The following CNTN5 variants were observed in gnomAD, a reference collection of about 807,000 sequenced individuals.
CNTN5 encodes contactin-5.
A neutral mutation model predicts 129.1 loss-of-function variants in CNTN5; 77 were observed. The ratio of observed to expected loss-of-function variants is 0.60; its 90% CI spans 0.50 to 0.72. The LOEUF (loss-of-function observed/expected upper bound fraction) is 0.72. Ranked by LOEUF, CNTN5 falls within the 30% of genes least tolerant of loss-of-function variation. The pLI is 0.00. For missense variants in CNTN5, 1,478 were observed against 1,328.8 expected, an observed-to-expected ratio of 1.11 and a Z score of -1.75; for synonymous variants, 509 against 465.6, an observed-to-expected ratio of 1.09 and a Z score of -1.20.
intron 1 of CNTN5, among the ~76,000 whole-genome samples, chr11:99,202,411 A>G (rs1859255636): frequency 6.6e-6 from 1 of 152,212 alleles, no homozygotes; most frequent in African/African-American, 2.4e-5. Flanking sequence ...GAGTTCACAG[A>G]TAATGGCAAA....
intron 8 of CNTN5, among the ~76,000 whole-genome samples, chr11:99,971,266 C>T (rs61910573): frequency 3.5e-4 from 53 of 151,956 alleles, no homozygotes; most frequent in Non-Finnish European, 4.3e-4. Context: ...TTTACAAGAC[C>T]GGGCATGGTG....
chr11:99,070,102 T>C (rs959074178), intron 1 of CNTN5, among the ~76,000 whole-genome samples: 1 of 152,132 alleles, frequency 6.6e-6, no homozygotes. Context: ...GGTATGAAAA[T>C]GGTTCCGTCA....
chr11:100,043,784 C>T (rs1011200754), intron 9 of CNTN5, among the ~76,000 whole-genome samples: 3 of 152,096 alleles, frequency 2.0e-5, no homozygotes, highest in Admixed American at 1.3e-4. Flanking sequence ...GTCTTCTTGA[C>T]TATGTTCTCT....
intron 1 of CNTN5, among the ~76,000 whole-genome samples, chr11:99,117,887 T>C (rs1189991420): frequency 6.6e-6 from 1 of 152,176 alleles, no homozygotes; most frequent in African/African-American, 2.4e-5. Context: ...TCTCCAGAAC[T>C]GTGGGAAATA....
intron 3 of CNTN5, among the ~76,000 whole-genome samples, chr11:99,672,726 C>G (rs1953101316): frequency 6.6e-6 from 1 of 151,100 alleles, no homozygotes; most frequent in Admixed American, 6.7e-5. Flanking sequence ...AGCCCTTTGA[C>G]TTAATAACCT....
At chr11:99,891,488 A>AC (rs973009831) in intron 6 of CNTN5, among the ~76,000 whole-genome samples, 2 of 150,590 alleles carry the variant, frequency 1.3e-5, no homozygotes, top group Middle Eastern at 3.2e-3. Context: ...CTAGGCCCCC[A>AC]CCCCCCAACA....
At chr11:100,292,981 G>A (rs1195922015) in intron 18 of CNTN5, among the ~76,000 whole-genome samples, 1 of 151,878 alleles carries the variant, frequency 6.6e-6, no homozygotes, top group Admixed American at 6.6e-5. Flanking sequence ...GTCCATGATG[G>A]TGACTTAGAA....
chr11:99,314,659 C>G (rs998359405), intron 1 of CNTN5, among the ~76,000 whole-genome samples: 3 of 151,940 alleles, frequency 2.0e-5, no homozygotes, highest in Middle Eastern at 3.4e-3. Context: ...AACTCCTATC[C>G]CTACTACTGC....
At chr11:99,580,406 T>C (rs1161225823) in intron 3 of CNTN5, among the ~76,000 whole-genome samples, 1 of 152,228 alleles carries the variant, frequency 6.6e-6, no homozygotes, top group Non-Finnish European at 1.5e-5. Context: ...GAAGGAATGG[T>C]ACCAGCTCTT....
At chr11:99,569,096 A>C (rs1949095628) in intron 3 of CNTN5, among the ~76,000 whole-genome samples, 1 of 152,106 alleles carries the variant, frequency 6.6e-6, no homozygotes, top group South Asian at 2.1e-4. Context: ...ATCATGGATA[A>C]ACATGGTTTG....
intron 1 of CNTN5, among the ~76,000 whole-genome samples, chr11:99,255,784 G>T (rs1017293902): frequency 6.6e-6 from 1 of 150,536 alleles, no homozygotes; most frequent in Non-Finnish European, 1.5e-5. Context: ...ACACATACAT[G>T]CATAAACACA....
chr11:100,153,509 G>T (rs533543537), intron 13 of CNTN5, among the ~76,000 whole-genome samples: 1 of 152,124 alleles, frequency 6.6e-6, no homozygotes, highest in African/African-American at 2.4e-5. Flanking sequence ...AATCAGATTT[G>T]TTTTGATGTA....
intron 1 of CNTN5, among the ~76,000 whole-genome samples, chr11:99,210,837 T>C (rs1393136348): frequency 6.7e-6 from 1 of 148,938 alleles, no homozygotes; most frequent in African/African-American, 2.5e-5. Flanking sequence ...CTTGATCATA[T>C]GCTCTAGAAG....
chr11:100,067,331 T>TA (rs925495061), intron 10 of CNTN5, among the ~76,000 whole-genome samples: 1 of 152,126 alleles, frequency 6.6e-6, no homozygotes, highest in African/African-American at 2.4e-5. Context: ...TGTGTATGTT[T>TA]ATGCGTTTGT....
At chr11:99,436,102 A>G (rs1943589803) in intron 2 of CNTN5, among the ~76,000 whole-genome samples, 1 of 152,198 alleles carries the variant, frequency 6.6e-6, no homozygotes, top group Non-Finnish European at 1.5e-5. Flanking sequence ...TAAATGTTCT[A>G]AAGGAGTAAA....
In CNTN5 at chr11:99,236,441, GC is replaced by G. The variant is rs541746941; in HGVS notation, c.-209-88904del. On this transcript the variant is annotated intron_variant, in intron 1 of 24. Coordinates refer to ENST00000524871, the MANE Select transcript of CNTN5 (RefSeq NM_014361.4). ...ATTTTAATAATATTCACAAATCTTAGCAAACATTCTACACACACTCACACAC... is the reference window on the plus strand; with the variant it reads ...ATTTTAATAATATTCACAAATCTTAGAAACATTCTACACACACTCACACAC... Among the ~76,000 whole-genome samples, 204 of 146,396 alleles carry G rather than the reference GC, an allele frequency of 1.4e-3. 1 individual carries two copies. Among genetic ancestry groups the G allele is most frequent in the African/African-American group, 4.8e-3 (190 of 39,444 alleles).
chr11:99,678,954 ACTCT>A (rs201157895), intron 3 of CNTN5, among the ~76,000 whole-genome samples: 5 of 147,534 alleles, frequency 3.4e-5, no homozygotes, highest in African/African-American at 7.4e-5. Context: ...TCTGCTATTC[ACTCT>A]CTCTCTCTCT....
chr11:100,013,277 A>T (rs1940630129), intron 9 of CNTN5, among the ~76,000 whole-genome samples: 1 of 152,170 alleles, frequency 6.6e-6, no homozygotes, highest in African/African-American at 2.4e-5. Flanking sequence ...AAAAGCCCAG[A>T]CTTCACCACT....
chr11:99,686,256 T>A (rs1318639531), intron 3 of CNTN5, among the ~76,000 whole-genome samples: 1 of 152,110 alleles, frequency 6.6e-6, no homozygotes, highest in Non-Finnish European at 1.5e-5. Context: ...CTCTAATGCT[T>A]ATTTAGAGTC....
Sources: gnomAD v4.1 joint callset for allele counts (sites outside exome capture counted in the v4.1 genomes callset) on GRCh38, gnomAD v4.1.1 for gene constraint, MANE v1.5 for transcripts, NCBI Gene and HGNC (gene_info 2026-07-23, HGNC 2026-07-21) for gene names.